The following TDRP variants were observed in gnomAD, a reference collection of about 807,000 sequenced individuals.
TDRP encodes the protein testis development related protein.
Under a neutral mutation model 10.5 loss-of-function variants are expected in TDRP, and 12 were observed. The ratio of observed to expected loss-of-function variants is 1.15; its 90% CI spans 0.73 to 1.86. The LOEUF (loss-of-function observed/expected upper bound fraction) is 1.86, where lower values mean the gene tolerates loss of function less well. Ranked by LOEUF, TDRP falls within the 40% of genes most tolerant of loss-of-function variation. The pLI is 0.00. For synonymous variants in TDRP, 139 were observed against 95.4 expected, an observed-to-expected ratio of 1.46 and a Z score of -2.67; for missense variants, 353 against 229.2, an observed-to-expected ratio of 1.54 and a Z score of -3.49.
chr8:493,270 T>G (rs1801030575), intron 2 of TDRP, among the ~76,000 whole-genome samples: 1 of 152,248 alleles, frequency 6.6e-6, no homozygotes, highest in South Asian at 2.1e-4. Context: ...GATCCTAAAC[T>G]ACTCTTCACC....
At chr8:504,746 G>C (rs375444871) in intron 1 of TDRP, among the ~76,000 whole-genome samples, 3 of 152,342 alleles carry the variant, frequency 2.0e-5, no homozygotes, top group East Asian at 3.9e-4. Context: ...TGAAGATCTT[G>C]ATGCCAGTTA....
chr8:537,425 A>T (rs916090542), intron 1 of TDRP, among the ~76,000 whole-genome samples: 1 of 152,206 alleles, frequency 6.6e-6, no homozygotes, highest in African/African-American at 2.4e-5. Flanking sequence ...AAGTCAGTAA[A>T]AAGCATTAAC....
At chr8:536,059 TA>T (rs765312580) in intron 1 of TDRP, among the ~76,000 whole-genome samples, 2 of 152,200 alleles carry the variant, frequency 1.3e-5, no homozygotes, top group Admixed American at 1.3e-4. Flanking sequence ...CCTTATCAAT[TA>T]GGGTTTTAAA....
intron 1 of TDRP, among the ~76,000 whole-genome samples, chr8:527,750 C>CA (rs1489072244): frequency 1.3e-5 from 2 of 152,038 alleles, no homozygotes; most frequent in Non-Finnish European, 2.9e-5. Context: ...TACACACACA[C>CA]AAAAAATCAA....
intron 1 of TDRP, among the ~76,000 whole-genome samples, chr8:540,204 A>T (rs1328275148): frequency 4.6e-5 from 7 of 152,208 alleles, no homozygotes; most frequent in Admixed American, 2.0e-4. Context: ...TATTCACCGT[A>T]AGAGGCCCAA....
chr8:492,886 A>G, intron 2 of TDRP, 142 bp from the exon 3 acceptor site: 1 of 731,184 alleles, frequency 1.4e-6, no homozygotes, highest in Non-Finnish European at 2.1e-6. Flanking sequence ...AGTTTCAAAT[A>G]TTAAAATTAA....
intron 1 of TDRP, among the ~76,000 whole-genome samples, chr8:501,258 T>C (rs1801290902): frequency 6.6e-6 from 1 of 152,108 alleles, no homozygotes; most frequent in Admixed American, 6.5e-5. Flanking sequence ...GTCAGCTCAC[T>C]GCATGCCACA....
Position 514,386 on chromosome 8 carries a change from G to A in TDRP, c.109-19789C>T, listed in dbSNP as rs1200021427. ...TAATCTTTTCAACAAATGGCTGTGT[G>A]ACAACTGGAAAGCCACATGTAAGAA... On this transcript the variant is annotated intron_variant, in intron 1 of 2. Transcript: ENST00000324079. Among the ~76,000 whole-genome samples the A allele has an allele frequency of 2.0e-5, 3 of 152,200 alleles. No homozygotes were observed. In the East Asian group the frequency reaches 5.8e-4, roughly 29 times the overall value.
intron 1 of TDRP, among the ~76,000 whole-genome samples, chr8:537,389 C>A (rs1180720016): frequency 6.6e-6 from 1 of 152,224 alleles, no homozygotes; most frequent in African/African-American, 2.4e-5. Flanking sequence ...CATTCCAGAG[C>A]AAGGGATACC....
chr8:494,883 A>C, intron 1 of TDRP: 1 of 256,324 alleles, frequency 3.9e-6, no homozygotes, highest in South Asian at 7.1e-5. Context: ...TATGAAAGTG[A>C]TGCTTAAAAT....
At chr8:542,055 C>T (rs535422425) in intron 1 of TDRP, among the ~76,000 whole-genome samples, 1 of 152,206 alleles carries the variant, frequency 6.6e-6, no homozygotes, top group South Asian at 2.1e-4. Context: ...TGTGGTACAC[C>T]CAAACAGTGG....
chr8:493,860 A>T (rs1164891550), intron 2 of TDRP, among the ~76,000 whole-genome samples: 1 of 152,076 alleles, frequency 6.6e-6, no homozygotes, highest in Non-Finnish European at 1.5e-5. Context: ...TAAGGCTAAT[A>T]AGTTCAATTT....
chr8:496,201 G>A (rs182734113), intron 1 of TDRP, among the ~76,000 whole-genome samples: 186 of 152,258 alleles, frequency 1.2e-3, no homozygotes, highest in Non-Finnish European at 2.1e-3. Flanking sequence ...CACAAAAACC[G>A]ATCACACAAC....
chr8:493,993 G>GTTTTTTTTT (rs68057437), intron 2 of TDRP, among the ~76,000 whole-genome samples: 1 of 106,528 alleles, frequency 9.4e-6, no homozygotes, highest in Non-Finnish European at 1.9e-5. Flanking sequence ...CATTTCTGTT[G>GTTTTTTTTT]TTTTTTTTTT....
chr8:495,561 G>A (rs189016001), intron 1 of TDRP, among the ~76,000 whole-genome samples: 7 of 152,270 alleles, frequency 4.6e-5, no homozygotes, highest in African/African-American at 1.7e-4. Context: ...CTGAAAATCC[G>A]GCGTGTGTCG....
intron 1 of TDRP, among the ~76,000 whole-genome samples, chr8:495,353 T>C (rs1801095880): frequency 1.3e-5 from 2 of 152,248 alleles, no homozygotes; most frequent in South Asian, 2.1e-4. Flanking sequence ...ACTGTGCCAC[T>C]ACCTTTAAGC....
chr8:514,660 G>A (rs971550611), intron 1 of TDRP, among the ~76,000 whole-genome samples: 25 of 152,288 alleles, frequency 1.6e-4, no homozygotes, highest in African/African-American at 5.1e-4. Context: ...CAAGGAGCTT[G>A]AAGCCCTCTC....
chr8:516,568 A>T (rs919603012), intron 1 of TDRP, among the ~76,000 whole-genome samples: 2 of 152,212 alleles, frequency 1.3e-5, no homozygotes, highest in South Asian at 4.1e-4. Flanking sequence ...ACACTGCCAC[A>T]CACCTATCAG....
At chr8:523,159 T>G (rs1025486191) in intron 1 of TDRP, among the ~76,000 whole-genome samples, 3 of 152,190 alleles carry the variant, frequency 2.0e-5, no homozygotes, top group Non-Finnish European at 4.4e-5. Flanking sequence ...TCCTTTTTCT[T>G]TTCTGTATCC....
Sources: gnomAD v4.1 joint callset for allele counts (sites outside exome capture counted in the v4.1 genomes callset) on GRCh38, gnomAD v4.1.1 for gene constraint, MANE v1.5 for transcripts, NCBI Gene and HGNC (gene_info 2026-07-23, HGNC 2026-07-21) for gene names.